PLXNA4: variants seen among roughly 807,000 people sequenced by gnomAD.
PLXNA4 encodes the protein plexin A4, also known as plexin-A4.
A neutral mutation model predicts 191.8 loss-of-function variants in PLXNA4; 44 were observed. The ratio of observed to expected loss-of-function variants is 0.23; its 90% CI spans 0.18 to 0.29. PLXNA4 has a LOEUF of 0.29. PLXNA4 is among the 10% of genes least tolerant of loss of function. PLXNA4 has a pLI of 1.00. For synonymous variants in PLXNA4, 1,082 were observed against 1,009.5 expected (o/e 1.07, Z -1.36); for missense variants, 1,800 against 2,488.8 (o/e 0.72, Z 5.89).
chr7:132,180,762 C>A (rs769032996), intron 18 of PLXNA4, 30 bp from the exon 19 acceptor site: 1 of 1,596,496 alleles, frequency 6.3e-7, no homozygotes, highest in East Asian at 2.3e-5. Context: ...CCAGTTCCCA[C>A]CCCAGAGTGA....
intron 2 of PLXNA4, among the ~76,000 whole-genome samples, chr7:132,590,588 A>G (rs1802589080): frequency 1.3e-5 from 2 of 152,318 alleles, no homozygotes; most frequent in Admixed American, 6.5e-5. Flanking sequence ...CATCCAGCAC[A>G]GGAGAAAGAT....
intron 9 of PLXNA4, among the ~76,000 whole-genome samples, chr7:132,221,091 C>T (rs1337318336): frequency 2.6e-5 from 4 of 151,994 alleles, no homozygotes; most frequent in Non-Finnish European, 5.9e-5. Flanking sequence ...TCAAGTGATC[C>T]TCCCACCTTG....
At chr7:132,308,684 T>C (rs1338213760) in intron 3 of PLXNA4, among the ~76,000 whole-genome samples, 1 of 152,118 alleles carries the variant, frequency 6.6e-6, no homozygotes, top group East Asian at 1.9e-4. Flanking sequence ...ACTTTCCTCA[T>C]ATGAAAAACA....
intron 3 of PLXNA4, among the ~76,000 whole-genome samples, chr7:132,356,611 A>G (rs1803716899): frequency 6.6e-6 from 1 of 152,230 alleles, no homozygotes; most frequent in South Asian, 2.1e-4. Context: ...GTTGTCCACC[A>G]AAACAGAGTA....
chr7:132,481,811 A>G (rs1425753690), intron 3 of PLXNA4, among the ~76,000 whole-genome samples: 2 of 152,144 alleles, frequency 1.3e-5, no homozygotes, highest in Non-Finnish European at 2.9e-5. Flanking sequence ...CTCTCTCCAG[A>G]TGAACGGAGC....
intron 3 of PLXNA4, among the ~76,000 whole-genome samples, chr7:132,392,123 G>A (rs1304594446): frequency 1.3e-5 from 2 of 151,086 alleles, no homozygotes; most frequent in African/African-American, 4.9e-5. Flanking sequence ...AGTGAAACTT[G>A]GTCTCAAAAA....
intron 3 of PLXNA4, among the ~76,000 whole-genome samples, chr7:132,370,174 G>A (rs1020010490): frequency 2.0e-5 from 3 of 152,126 alleles, no homozygotes; most frequent in Non-Finnish European, 4.4e-5. Flanking sequence ...GAGTCAACTT[G>A]GGTGTTCTTC....
chr7:132,404,040 T>G (rs545816062), intron 3 of PLXNA4, among the ~76,000 whole-genome samples: 1 of 152,310 alleles, frequency 6.6e-6, no homozygotes, highest in Admixed American at 6.5e-5. Flanking sequence ...ACCTGGGCTC[T>G]GTGGTGGGCC....
chr7:132,184,598 G>A (rs528153067), intron 16 of PLXNA4, among the ~76,000 whole-genome samples: 2 of 152,296 alleles, frequency 1.3e-5, no homozygotes, highest in African/African-American at 4.8e-5. Context: ...CACTGAATAG[G>A]CAGAGGCCCA....
intron 2 of PLXNA4, among the ~76,000 whole-genome samples, chr7:132,490,562 AC>A (rs1467695313): frequency 6.6e-6 from 1 of 151,390 alleles, no homozygotes; most frequent in African/African-American, 2.4e-5. Context: ...AGTAGCTGGG[AC>A]CACAAGCATG....
chr7:132,491,727 G>A (rs1797811997), intron 2 of PLXNA4, among the ~76,000 whole-genome samples: 1 of 152,080 alleles, frequency 6.6e-6, no homozygotes, highest in Non-Finnish European at 1.5e-5. Flanking sequence ...TCAGGAGTTC[G>A]AGACCAACAC....
chr7:132,608,033 A>ACCATCACTGCCATCATCCTCATCTCTAT (rs1802967597), intron 2 of PLXNA4, among the ~76,000 whole-genome samples: 2 of 27,148 alleles, frequency 7.4e-5, no homozygotes, highest in African/African-American at 1.2e-4. Flanking sequence ...ATCACCATCA[A>ACCATCACTGCCATCATCCTCATCTCTAT]CACCATCACT....
At chr7:132,461,361 C>T (rs761904107) in intron 3 of PLXNA4, among the ~76,000 whole-genome samples, 5 of 152,132 alleles carry the variant, frequency 3.3e-5, no homozygotes, top group African/African-American at 4.8e-5. Flanking sequence ...AAGTGACAGA[C>T]GCACTTGAAA....
chr7:132,199,118 G>T (rs752288285), intron 12 of PLXNA4, among the ~76,000 whole-genome samples: 1 of 151,920 alleles, frequency 6.6e-6, no homozygotes, highest in African/African-American at 2.4e-5. Flanking sequence ...AAATTCCAAG[G>T]TACCTTCTTT....
At chr7:132,133,220 G>A (rs765171485) in intron 30 of PLXNA4, 21 bp from the exon 31 acceptor site, 1 of 1,612,976 alleles carries the variant, frequency 6.2e-7, no homozygotes, top group Non-Finnish European at 8.5e-7. Context: ...ATGGAAATAG[G>A]GAGAAGCTGA....
intron 1 of PLXNA4, among the ~76,000 whole-genome samples, chr7:132,572,485 C>T (rs1238590074): frequency 6.6e-6 from 1 of 152,204 alleles, no homozygotes; most frequent in Non-Finnish European, 1.5e-5. Flanking sequence ...TGGGGGCATA[C>T]ACAGACTCAC....
chr7:132,485,075 A>G, intron 3 of PLXNA4: 2 of 1,600,832 alleles, frequency 1.2e-6, no homozygotes, highest in Non-Finnish European at 1.7e-6. Flanking sequence ...AGGAAGATTA[A>G]ATTAATCTAC....
intron 12 of PLXNA4, among the ~76,000 whole-genome samples, chr7:132,201,341 G>A (rs1219927822): frequency 2.0e-5 from 3 of 152,168 alleles, no homozygotes; most frequent in African/African-American, 7.2e-5. Flanking sequence ...GACCCTAATA[G>A]AACAGGTAGT....
At position 132,146,552 on chromosome 7, in the gene PLXNA4, C is replaced by T. The variant is rs763279658; in HGVS notation, c.5013G>A (p.Lys1671=). The change falls in exon 28 of 32, where the codon AAG becomes AAA. Residue 1671 remains lysine, a synonymous_variant. Coordinates refer to ENST00000321063, the MANE Select transcript of PLXNA4 (RefSeq NM_020911.2). Reference sequence around the variant, plus strand: ...GGGTCAGGTAGATTTCAGACACCATCTTGCTCCCCCGGTCCCCCTCCTTCT... The same window carrying T: ...GGGTCAGGTAGATTTCAGACACCATTTTGCTCCCCCGGTCCCCCTCCTTCT... The part of the protein sequence containing the change: ...GDQKEGDRGS[K]MVSEIYLTRL... 8.7e-6 allele frequency: 14 copies of T among 1,614,164 alleles called. No homozygotes were observed. The highest frequency in any genetic ancestry group is 5.9e-6 in the Non-Finnish European group (7 of 1,180,030).
Sources: allele counts gnomAD v4.1 joint callset (sites outside exome capture counted in the v4.1 genomes callset), GRCh38; gene constraint gnomAD v4.1.1; transcripts MANE v1.5; gene names NCBI Gene and HGNC (gene_info 2026-07-23, HGNC 2026-07-21).